Variants in LTN1 observed in about 807,000 individuals in gnomAD.
LTN1 encodes the protein E3 ubiquitin-protein ligase listerin.
LTN1 carries 88 observed loss-of-function variants against 201.2 expected under a neutral mutation model. That is an observed-to-expected ratio of 0.44 (90% CI 0.37 to 0.52). The LOEUF is 0.52. LTN1 is among the 20% of genes least tolerant of loss of function. The pLI is 0.00. For synonymous variants in LTN1, 645 were observed against 713.5 expected, an observed-to-expected ratio of 0.90 and a Z score of 1.53; for missense variants, 1,752 against 2,038.7, an observed-to-expected ratio of 0.86 and a Z score of 2.71.
At chr21:28,949,743 C>T (rs1200475934) in intron 18 of LTN1, among the ~76,000 whole-genome samples, 1 of 152,148 alleles carries the variant, frequency 6.6e-6, no homozygotes, top group Non-Finnish European at 1.5e-5. Flanking sequence ...CATTTATCCA[C>T]TGATGGGCAC....
At chr21:28,948,036 C>T (rs1207277159) in intron 18 of LTN1, among the ~76,000 whole-genome samples, 3 of 150,876 alleles carry the variant, frequency 2.0e-5, no homozygotes, top group Non-Finnish European at 4.4e-5. Flanking sequence ...ACTAAATATA[C>T]AAAAAATCAG....
chr21:28,966,764 T>C lies in LTN1; in HGVS notation c.1727A>G (p.His576Arg). The C allele has an allele frequency of 1.2e-6, 2 of 1,614,092 alleles. No individual in the cohort carries two copies. The highest frequency in any genetic ancestry group is 2.2e-5 in the East Asian group (1 of 44,876). Reference protein sequence around the residue: ...WELTTEPSLTHNSSGLLSPLR... With the variant: ...WELTTEPSLTRNSSGLLSPLR... The stretch of plus-strand genomic sequence containing the variant: ...AGGAGACAAAAGGCCTGAAGAATTA[T>C]GAGTGAGAGAAGGTTCAGTTGTTAA... Residue 576 changes from histidine (H) to arginine (R), a missense_variant, in exon 10 of 30, where the codon CAT becomes CGT. Around this residue, in one of 3 missense-constraint regions of LTN1, gnomAD observed 1,211 missense variants for 1,312.8 expected, o/e 0.92. Transcript: ENST00000361371.
At chr21:28,949,898 C>T (rs1454406315) in intron 18 of LTN1, among the ~76,000 whole-genome samples, 1 of 152,102 alleles carries the variant, frequency 6.6e-6, no homozygotes. Context: ...ATTTGAAATG[C>T]CACCTATATT....
chr21:28,992,701 G>T (rs1337358242), intron 1 of LTN1, 63 bp downstream of exon 1: 4 of 1,592,260 alleles, frequency 2.5e-6, no homozygotes, highest in Non-Finnish European at 3.4e-6. Flanking sequence ...CCAGCAACGC[G>T]CTGGGCGGAG....
Position 28,959,670 on chromosome 21 carries a change from T to C in LTN1, c.2381A>G (p.Glu794Gly). 3 of 1,612,648 alleles carry C rather than the reference T, an allele frequency of 1.9e-6. No individual in the cohort carries two copies. The highest frequency in any genetic ancestry group is 2.5e-6 in the Non-Finnish European group (3 of 1,179,322). ...TTCATGAAGTCTAACAATGATTCTT[T>C]CAACATATACGTCTCCAATCAAGTA... is the stretch of plus-strand genomic sequence containing the variant. ...NDYLIGDVYVERIIVRLHETL... is the reference protein window; with the variant it reads ...NDYLIGDVYVGRIIVRLHETL... The change falls in exon 13 of 30, where the codon GAA becomes GGA. Residue 794 changes from glutamate to glycine, a missense_variant. Transcript: ENST00000361371.
chr21:28,951,464 G>A (rs1303914566), intron 18 of LTN1, among the ~76,000 whole-genome samples: 2 of 152,158 alleles, frequency 1.3e-5, no homozygotes, highest in East Asian at 3.9e-4. Context: ...ATAGGATGAT[G>A]TTATTTAAGA....
chr21:28,966,246 T>A, intron 10 of LTN1, 124 bp downstream of exon 10: 1 of 806,590 alleles, frequency 1.2e-6, no homozygotes, highest in South Asian at 1.8e-5. Context: ...CAAATCATGA[T>A]CAAGAATATA....
intron 16 of LTN1, among the ~76,000 whole-genome samples, chr21:28,956,189 T>C (rs1375733273): frequency 6.6e-6 from 1 of 152,022 alleles, no homozygotes; most frequent in Non-Finnish European, 1.5e-5. Context: ...AGAGAAGATA[T>C]ATGACCTAGT....
intron 13 of LTN1, 70 bp downstream of exon 13, chr21:28,959,388 G>GGA: frequency 1.3e-6 from 2 of 1,520,106 alleles, no homozygotes; most frequent in Non-Finnish European, 1.8e-6. Flanking sequence ...ATAAAGCCTG[G>GGA]GCACTTACAC....
chr21:28,966,745 CA>C lies in LTN1; in HGVS notation c.1745del (p.Leu582CysfsTer4). The C allele has an allele frequency of 6.2e-7, 1 of 1,614,060 alleles. No individual in the cohort carries two copies. The highest frequency in any genetic ancestry group is 8.5e-7 in the Non-Finnish European group (1 of 1,179,980). On this transcript the variant is annotated frameshift_variant, in exon 10 of 30. Transcript: ENST00000361371. LOFTEE classifies it high-confidence loss of function. ...PSLTHNSSGL[L>X]SPLRKKPLED... ...CCAAAGGTTTTTTCCTTAGAGGAGA[CA>C]AAAGGCCTGAAGAATTATGAGTGAG...
intron 1 of LTN1, among the ~76,000 whole-genome samples, chr21:28,990,445 T>A (rs2084735956): frequency 6.6e-6 from 1 of 152,228 alleles, no homozygotes; most frequent in African/African-American, 2.4e-5. Flanking sequence ...TGATTAAGCA[T>A]AAGTTTTTAA....
intron 24 of LTN1, among the ~76,000 whole-genome samples, chr21:28,941,794 T>A (rs930538169): frequency 6.6e-6 from 1 of 152,228 alleles, no homozygotes; most frequent in Non-Finnish European, 1.5e-5. Flanking sequence ...TCGAACTTTG[T>A]CACTTCATTC....
In LTN1 at chr21:28,981,160, G is replaced by C; in HGVS notation, c.769C>G (p.Gln257Glu). The C allele has an allele frequency of 1.3e-6, 2 of 1,588,712 alleles. No individual in the cohort carries two copies. Among genetic ancestry groups the C allele is most frequent in the Non-Finnish European group, 1.7e-6 (2 of 1,172,658 alleles). ...TTTCCATACTTCCAAAACTTATTCT[G>C]TGATAAAAGAGACTTAAATTTCTCC... The part of the protein sequence containing the change: ...LEEKFKSLLS[Q>E]NKFWKYGKHS... The change falls in exon 6 of 30, where the codon CAG becomes GAG. Residue 257 changes from glutamine (Q) to glutamate (E), a missense_variant. Gln to Glu is a conservative substitution (Grantham distance 29, BLOSUM62 2). Transcript: ENST00000361371.
At chr21:28,932,375 C>T (rs2084217539) in intron 28 of LTN1, 95 bp downstream of exon 28, 1 of 1,011,816 alleles carries the variant, frequency 9.9e-7, no homozygotes, top group Non-Finnish European at 1.5e-6. Flanking sequence ...CTACTTTTAT[C>T]TTAAGCAGAA....
chr21:28,988,902 T>C (rs994247953), intron 1 of LTN1, among the ~76,000 whole-genome samples: 2 of 151,742 alleles, frequency 1.3e-5, no homozygotes, highest in African/African-American at 4.8e-5. Context: ...GGGGCAGAGA[T>C]TGCAGTGAGT....
chr21:28,928,522 CTTTTAG>C lies in LTN1; in HGVS notation c.*1920_*1925del. On this transcript the variant is annotated 3_prime_UTR_variant, in exon 30 of 30. Transcript: ENST00000361371. ...AGCTAAAATTTTAAGGGCTGTAATC[CTTTTAG>C]TTAGAGTTGTCAACGCTGTACAGAT... 6.6e-6 allele frequency: 1 copy of C among 151,938 alleles called. No individual in the cohort carries two copies. Among genetic ancestry groups the C allele is most frequent in the East Asian group, 1.9e-4 (1 of 5,176 alleles). The allele number at this position is 151,938 out of a possible 1,614,324, so 9.4% of individuals were successfully genotyped here. A position where few individuals can be genotyped will look rare whatever the true frequency, so the allele number is the denominator to read the frequency against.
intron 6 of LTN1, among the ~76,000 whole-genome samples, chr21:28,972,455 C>T (rs1345049382): frequency 1.3e-5 from 2 of 149,914 alleles, no homozygotes; most frequent in Non-Finnish European, 1.5e-5. Context: ...TCCATATCCA[C>T]GGGTTCCTCA....
chr21:28,979,597 T>C (rs893137428), intron 6 of LTN1, among the ~76,000 whole-genome samples: 1 of 152,148 alleles, frequency 6.6e-6, no homozygotes, highest in African/African-American at 2.4e-5. Context: ...TTTTCAAAAA[T>C]ACAGTCAATC....
At position 28,967,199 on chromosome 21, in the gene LTN1, A is replaced by G; in HGVS notation, c.1312-20T>C. 1 of 1,543,388 alleles carries G rather than the reference A, an allele frequency of 6.5e-7. No homozygotes were observed. Among genetic ancestry groups the G allele is most frequent in the Non-Finnish European group, 8.8e-7 (1 of 1,132,870 alleles). On this transcript the variant is annotated intron_variant, in intron 9 of 29. Transcript: ENST00000361371. Reference sequence around the variant, plus strand: ...GATCAACTGAAAGAAAAGGTAGAATATCATAAAATATATATTTGGTCTTCA... The same window carrying G: ...GATCAACTGAAAGAAAAGGTAGAATGTCATAAAATATATATTTGGTCTTCA...
Sources: gnomAD v4.1 joint callset for allele counts (sites outside exome capture counted in the v4.1 genomes callset) on GRCh38, gnomAD v4.1.1 for gene constraint, gnomAD v4.1.1 regional missense constraint, MANE v1.5 for transcripts, NCBI Gene and HGNC (gene_info 2026-07-23, HGNC 2026-07-21) for gene names.